HPCAL4: variants seen among roughly 807,000 people sequenced by gnomAD.
HPCAL4 encodes hippocalcin like 4, also known as hippocalcin-like protein 4.
Under a neutral mutation model 18.2 loss-of-function variants are expected in HPCAL4, and 16 were observed. The ratio of observed to expected loss-of-function variants is 0.88; its 90% CI spans 0.59 to 1.33. The LOEUF is 1.33. Among genes scored for constraint, HPCAL4 ranks in the 40% most tolerant of loss-of-function variants. The pLI, the probability that HPCAL4 is intolerant of heterozygous loss-of-function variation, is 0.00. For synonymous variants in HPCAL4, 80 were observed against 97.5 expected (o/e 0.82, Z 1.06); for missense variants, 214 against 256.6 (o/e 0.83, Z 1.14).
chr1:39,689,145 A>G (rs1646699274), intron 1 of HPCAL4, among the ~76,000 whole-genome samples: 1 of 152,074 alleles, frequency 6.6e-6, no homozygotes, highest in Non-Finnish European at 1.5e-5. Flanking sequence ...AGAAAAGTTT[A>G]TTTTTCCCAT....
chr1:39,682,473 A>G lies in HPCAL4; in HGVS notation c.*63T>C, dbSNP rs1646634572. The G allele has an allele frequency of 6.6e-7, 1 of 1,524,676 alleles. No homozygotes were observed. Among genetic ancestry groups the G allele is most frequent in the South Asian group, 1.1e-5 (1 of 88,730 alleles). 94.4% of individuals were successfully genotyped at this position (1,524,676 alleles called of 1,614,324 possible). A position where few individuals can be genotyped will look rare whatever the true frequency, so the allele number is the denominator to read the frequency against. ...CCTCCTCCTGGGAGGCCAGCCAGAG[A>G]GGTCATCAGGTTGGGAGGTGGCCAT... is the stretch of plus-strand genomic sequence containing the variant. On this transcript the variant is annotated 3_prime_UTR_variant, in exon 4 of 4. Transcript: ENST00000372844.
intron 1 of HPCAL4, among the ~76,000 whole-genome samples, chr1:39,686,147 C>T (rs1479114027): frequency 3.4e-5 from 5 of 148,418 alleles, no homozygotes; most frequent in Non-Finnish European, 7.4e-5. Flanking sequence ...CTCCACTGCA[C>T]TCCAGCCTGG....
intron 1 of HPCAL4, among the ~76,000 whole-genome samples, chr1:39,689,378 G>A (rs369152842): frequency 5.9e-5 from 9 of 152,168 alleles, no homozygotes; most frequent in Middle Eastern, 3.2e-3. Context: ...GGTGGATTAC[G>A]TAAGAGGAGC....
intron 1 of HPCAL4, among the ~76,000 whole-genome samples, chr1:39,687,839 G>T (rs1265556753): frequency 6.6e-6 from 1 of 151,964 alleles, no homozygotes; most frequent in Non-Finnish European, 1.5e-5. Context: ...GGAGGTTGAG[G>T]CTGCAGTGAG....
chr1:39,684,842 G>A (rs1266729871), intron 1 of HPCAL4, among the ~76,000 whole-genome samples: 4 of 152,148 alleles, frequency 2.6e-5, no homozygotes, highest in Admixed American at 6.5e-5. Context: ...CTCACTGACC[G>A]TGCAGCACGC....
intron 1 of HPCAL4, among the ~76,000 whole-genome samples, chr1:39,690,244 G>A (rs188514960): frequency 1.1e-3 from 173 of 152,198 alleles, no homozygotes; most frequent in African/African-American, 4.0e-3. Context: ...GGCTGTTCAA[G>A]TTCATCTCAC....
chr1:39,688,051 C>T (rs1409339035), intron 1 of HPCAL4, among the ~76,000 whole-genome samples: 1 of 152,182 alleles, frequency 6.6e-6, no homozygotes, highest in Non-Finnish European at 1.5e-5. Context: ...TGGGAGGGCC[C>T]AGATGAGCAC....
chr1:39,683,897 C>G, intron 3 of HPCAL4, 40 bp downstream of exon 3: 1 of 1,571,544 alleles, frequency 6.4e-7, no homozygotes, highest in Non-Finnish European at 8.7e-7. Context: ...GATGGCGAAG[C>G]GCTGGCCTCG....
At position 39,682,670 on chromosome 1, in the gene HPCAL4, G is replaced by T. The variant is rs150534957; in HGVS notation, c.442C>A (p.Gln148Lys). Residue 148 changes from glutamine (Q) to lysine (K), a missense_variant, in exon 4 of 4, where the codon CAG (glutamine) becomes AAG (lysine). Transcript: ENST00000372844. ...TTGAAGATCTTGTCCACACGCTGCT[G>T]GGGCGTGAGCCCGTCCTGGTTCATG... ...MRMNQDGLTP[Q>K]QRVDKIFKKM... 5.0e-6 allele frequency: 8 copies of T among 1,614,094 alleles called. No individual in the cohort carries two copies. In the African/African-American group the frequency reaches 9.3e-5, roughly 19 times the overall value.
chr1:39,683,244 C>T (rs956568917), intron 3 of HPCAL4, among the ~76,000 whole-genome samples: 1 of 152,162 alleles, frequency 6.6e-6, no homozygotes, highest in Admixed American at 6.5e-5. Flanking sequence ...GCCAGAAGCC[C>T]AACTCCGTGG....
chr1:39,686,725 C>T (rs1180115540), intron 1 of HPCAL4, among the ~76,000 whole-genome samples: 1 of 151,946 alleles, frequency 6.6e-6, no homozygotes, highest in Non-Finnish European at 1.5e-5. Flanking sequence ...AGGCCCTCCT[C>T]AGGAAGTGTG....
chr1:39,684,606 CG>C lies in HPCAL4; in HGVS notation c.-4del, dbSNP rs1646658574. The C allele has an allele frequency of 6.3e-7, 1 of 1,591,190 alleles. No homozygotes were observed. The highest frequency in any genetic ancestry group is 8.6e-7 in the Non-Finnish European group (1 of 1,169,188). ...AGCTTGCTGTTGGTCTTCCCCATGG[CG>C]GGGCCTGTGGGACAGAGGGATTCCT... On this transcript the variant is annotated 5_prime_UTR_variant, in exon 2 of 4. Coordinates refer to ENST00000372844, the MANE Select transcript of HPCAL4 (RefSeq NM_016257.4).
In HPCAL4 at chr1:39,684,502, G is replaced by A; in HGVS notation, c.102C>T (p.Phe34=). 2 of 1,613,588 alleles carry A rather than the reference G, an allele frequency of 1.2e-6. No homozygotes were observed. The highest frequency in any genetic ancestry group is 1.1e-5 in the South Asian group (1 of 91,014). ...GGATGCCGCTGGGGCAGTCCTTCAG[G>A]AAGCCCTTGTACCACTGCTTCAGCT... ...EQELKQWYKG[F]LKDCPSGILN... is the part of the protein sequence containing the mutation. Residue 34 remains phenylalanine (F), a synonymous_variant, in exon 2 of 4, where the codon TTC becomes TTT. Transcript: ENST00000372844.
At position 39,682,732 on chromosome 1, in the gene HPCAL4, G is replaced by C. The variant is rs764728548; in HGVS notation, c.380C>G (p.Ala127Gly). 2 of 1,613,834 alleles carry C rather than the reference G, an allele frequency of 1.2e-6. No individual in the cohort carries two copies. Among genetic ancestry groups the C allele is most frequent in the Admixed American group, 3.3e-5 (2 of 60,016 alleles). The change falls in exon 4 of 4, where the codon GCA becomes GGA. Residue 127 changes from alanine to glycine, a missense_variant and splice_region_variant. Transcript: ENST00000372844. Reference protein sequence around the residue: ...TRLEMLEIIEAIYKMVGTVIM... With the variant: ...TRLEMLEIIEGIYKMVGTVIM... ...CACGGTGCCCACCATCTTGTAGATTGCCTGGTGAGGGAAGGAGGAGGGAGG... is the reference window on the plus strand; with the variant it reads ...CACGGTGCCCACCATCTTGTAGATTCCCTGGTGAGGGAAGGAGGAGGGAGG...
Position 39,682,743 on chromosome 1 carries a change from G to A in HPCAL4, c.379-10C>T. On this transcript the variant is annotated splice_polypyrimidine_tract_variant and intron_variant, in intron 3 of 3. Coordinates refer to ENST00000372844, the MANE Select transcript of HPCAL4 (RefSeq NM_016257.4). ...CCATCTTGTAGATTGCCTGGTGAGGGAAGGAGGAGGGAGGTGTGAACACCC... is the reference window on the plus strand; with the variant it reads ...CCATCTTGTAGATTGCCTGGTGAGGAAAGGAGGAGGGAGGTGTGAACACCC... 6.2e-7 allele frequency: 1 copy of A among 1,613,604 alleles called. No homozygotes were observed. The highest frequency in any genetic ancestry group is 8.5e-7 in the Non-Finnish European group (1 of 1,179,838).
intron 1 of HPCAL4, among the ~76,000 whole-genome samples, chr1:39,686,247 A>T (rs1258581756): frequency 6.6e-6 from 1 of 150,458 alleles, no homozygotes; most frequent in Non-Finnish European, 1.5e-5. Context: ...GATACTTGGG[A>T]GGCTAAGATG....
At chr1:39,690,674 G>A (rs1570482084) in intron 1 of HPCAL4, among the ~76,000 whole-genome samples, 1 of 152,168 alleles carries the variant, frequency 6.6e-6, no homozygotes, top group East Asian at 1.9e-4. Flanking sequence ...CCTAGCACTG[G>A]GGGCCACTGG....
In HPCAL4 at chr1:39,678,949, G is replaced by A. The variant is rs891766432; in HGVS notation, c.*3587C>T. The A allele has an allele frequency of 3.3e-5, 5 of 152,250 alleles. No individual in the cohort carries two copies. The highest frequency in any genetic ancestry group is 2.1e-4 in the South Asian group (1 of 4,828). 9.4% of individuals were successfully genotyped at this position (152,250 alleles called of 1,614,324 possible). ...CTGGCAAAGGTAAAAAGAAAACCTC[G>A]AAAATTCCAGAAAGAAAATCCCATA... is the stretch of plus-strand genomic sequence containing the variant. On this transcript the variant is annotated 3_prime_UTR_variant, in exon 4 of 4. Coordinates refer to ENST00000372844, the MANE Select transcript of HPCAL4 (RefSeq NM_016257.4).
chr1:39,681,287 A>C lies in HPCAL4; in HGVS notation c.*1249T>G, dbSNP rs1215904373. On this transcript the variant is annotated 3_prime_UTR_variant, in exon 4 of 4. Coordinates refer to ENST00000372844, the MANE Select transcript of HPCAL4 (RefSeq NM_016257.4). Reference sequence around the variant, plus strand: ...ATAAATTATGTCTGGGTGCCTAAACAGTGGCCAGGTGAGCCTTTTCTTCTA... The same window carrying C: ...ATAAATTATGTCTGGGTGCCTAAACCGTGGCCAGGTGAGCCTTTTCTTCTA... The C allele has an allele frequency of 2.0e-5, 3 of 152,252 alleles. No individual in the cohort carries two copies. The highest frequency in any genetic ancestry group is 4.4e-5 in the Non-Finnish European group (3 of 68,044). 9.4% of individuals were successfully genotyped at this position (152,252 alleles called of 1,614,324 possible). A position where few individuals can be genotyped will look rare whatever the true frequency, so the allele number is the denominator to read the frequency against.
Sources: allele counts gnomAD v4.1 joint callset (sites outside exome capture counted in the v4.1 genomes callset), GRCh38; gene constraint gnomAD v4.1.1; transcripts MANE v1.5; gene names NCBI Gene and HGNC (gene_info 2026-07-23, HGNC 2026-07-21).